Variants in RBPJ observed in about 807,000 individuals in gnomAD.
RBPJ encodes recombining binding protein suppressor of hairless.
Under a neutral mutation model 67.8 loss-of-function variants are expected in RBPJ, and 9 were observed. The ratio of observed to expected loss-of-function variants is 0.13; its 90% CI spans 0.08 to 0.23. RBPJ has a LOEUF of 0.23. RBPJ is among the 10% of genes least tolerant of loss of function. RBPJ has a pLI of 1.00. For missense variants in RBPJ, 305 were observed against 595.6 expected (o/e 0.51, Z 5.08); for synonymous variants, 198 against 203.3 (o/e 0.97, Z 0.22).
intron 2 of RBPJ, among the ~76,000 whole-genome samples, chr4:26,398,301 C>T (rs1323942851): frequency 2.0e-5 from 3 of 152,120 alleles, no homozygotes; most frequent in Admixed American, 6.5e-5. Context: ...CCTCCACTTA[C>T]CCCTTGGACC....
chr4:26,353,677 T>A (rs1289665406), intron 1 of RBPJ, among the ~76,000 whole-genome samples: 1 of 151,270 alleles, frequency 6.6e-6, no homozygotes, highest in Admixed American at 6.6e-5. Flanking sequence ...GGTGCGATCT[T>A]GGCTCACTGC....
intron 1 of RBPJ, among the ~76,000 whole-genome samples, chr4:26,344,517 G>A (rs527581130): frequency 2.0e-5 from 3 of 152,190 alleles, no homozygotes; most frequent in Admixed American, 6.5e-5. Context: ...TTACAGGCGT[G>A]AGCCACCGCG....
chr4:26,327,551 T>G lies in RBPJ; in HGVS notation c.20+6503T>G, dbSNP rs1174325061. Reference sequence around the variant, plus strand: ...CAAGTTGACCCTGGAGGTTTTTTTTTTTTTTTTTTTTTTTTGTATTCAGTA... The same window carrying G: ...CAAGTTGACCCTGGAGGTTTTTTTTGTTTTTTTTTTTTTTTGTATTCAGTA... On this transcript the variant is annotated intron_variant, in intron 1 of 10. Coordinates refer to ENST00000355476, the MANE Select transcript of RBPJ (RefSeq NM_015874.6). Among the ~76,000 whole-genome samples, 6 of 149,280 alleles carry G rather than the reference T, an allele frequency of 4.0e-5. No homozygotes were observed. The East Asian group carries it at 9.7e-4, about 24-fold the overall frequency.
chr4:26,113,165 T>G, the RBPJ span: 1 of 230,726 alleles, frequency 4.3e-6, no homozygotes, highest in Non-Finnish European at 9.0e-6. Context: ...GAATATAAAT[T>G]GAGTGACAAA....
At chr4:26,225,278 T>C (rs1719041410) in intron 1 of RBPJ, among the ~76,000 whole-genome samples, 1 of 152,186 alleles carries the variant, frequency 6.6e-6, no homozygotes, top group South Asian at 2.1e-4. Flanking sequence ...GGTTAACCTG[T>C]TTGTTAAAAA....
intron 2 of RBPJ, among the ~76,000 whole-genome samples, chr4:26,386,954 C>T (rs1018297868): frequency 6.6e-6 from 1 of 151,776 alleles, no homozygotes; most frequent in African/African-American, 2.4e-5. Context: ...GCAAACCTTG[C>T]GTTTTTAGCA....
chr4:26,376,293 TC>T (rs1577557840), intron 1 of RBPJ, among the ~76,000 whole-genome samples: 1 of 152,020 alleles, frequency 6.6e-6, no homozygotes, highest in Non-Finnish European at 1.5e-5. Flanking sequence ...CATTCTCCCT[TC>T]CCCCCAGGTC....
the RBPJ span, among the ~76,000 whole-genome samples, chr4:26,153,274 C>T: frequency 1.3e-5 from 2 of 152,144 alleles, no homozygotes; most frequent in African/African-American, 2.4e-5. Flanking sequence ...TTTATTCACA[C>T]ATAAGTGTGA....
intron 1 of RBPJ, among the ~76,000 whole-genome samples, chr4:26,359,031 T>G (rs1248204977): frequency 1.3e-5 from 2 of 152,200 alleles, no homozygotes; most frequent in African/African-American, 2.4e-5. Flanking sequence ...AGGAATCAGA[T>G]CCAGACAATC....
chr4:26,144,578 C>A, the RBPJ span, among the ~76,000 whole-genome samples: 1 of 152,126 alleles, frequency 6.6e-6, no homozygotes, highest in Non-Finnish European at 1.5e-5. Flanking sequence ...CCTAAAAATT[C>A]TTTCATTTCT....
chr4:26,190,573 G>C (rs914435892), intron 1 of RBPJ, among the ~76,000 whole-genome samples: 1 of 152,168 alleles, frequency 6.6e-6, no homozygotes, highest in African/African-American at 2.4e-5. Context: ...AACCTGCAGG[G>C]ACATGCATGC....
At chr4:26,341,743 A>G (rs1272187020) in intron 1 of RBPJ, among the ~76,000 whole-genome samples, 1 of 152,162 alleles carries the variant, frequency 6.6e-6, no homozygotes, top group East Asian at 1.9e-4. Flanking sequence ...ACCTAAATGG[A>G]GTGGGAGAGA....
At chr4:26,168,858 C>T (rs966098502) in intron 1 of RBPJ, among the ~76,000 whole-genome samples, 9 of 152,006 alleles carry the variant, frequency 5.9e-5, no homozygotes, top group Non-Finnish European at 1.2e-4. Context: ...TCCAGTTGAT[C>T]ACATCGGCTC....
At chr4:26,221,154 G>T (rs896346029) in intron 1 of RBPJ, among the ~76,000 whole-genome samples, 2 of 152,234 alleles carry the variant, frequency 1.3e-5, no homozygotes, top group South Asian at 4.1e-4. Context: ...GCGGTGGCGC[G>T]ATCTCGGCTC....
intron 1 of RBPJ, among the ~76,000 whole-genome samples, chr4:26,202,666 G>A (rs187438638): frequency 1.3e-5 from 2 of 152,078 alleles, no homozygotes; most frequent in South Asian, 2.1e-4. Flanking sequence ...CAGCACTTTG[G>A]GGGGGCCAAA....
At chr4:26,165,240 C>A (rs570158429) in intron 1 of RBPJ, among the ~76,000 whole-genome samples, 13 of 152,134 alleles carry the variant, frequency 8.5e-5, no homozygotes, top group Non-Finnish European at 1.6e-4. Context: ...ACTAAACAAT[C>A]CTGATTATTT....
At chr4:26,303,079 G>A (rs188537581) in intron 1 of RBPJ, among the ~76,000 whole-genome samples, 3 of 151,948 alleles carry the variant, frequency 2.0e-5, no homozygotes, top group African/African-American at 7.2e-5. Context: ...TACTCAGGAG[G>A]CTGAGGAAAT....
chr4:26,431,705 T>G lies in RBPJ; in HGVS notation c.*698T>G, dbSNP rs1427482786. The G allele has an allele frequency of 6.6e-6, 1 of 152,192 alleles. No individual in the cohort carries two copies. Among genetic ancestry groups the G allele is most frequent in the Non-Finnish European group, 1.5e-5 (1 of 68,046 alleles). 9.4% of individuals were successfully genotyped at this position (152,192 alleles called of 1,614,324 possible). ...CTTGCAAAGGCCTGCATATTTTTTT[T>G]AAGATTATATGAAGTCTGTGCAAAA... On this transcript the variant is annotated 3_prime_UTR_variant, in exon 11 of 11. Transcript: ENST00000355476.
rs1009283711 is a variant in RBPJ, at chr4:26,431,258, CTGTTT to C, written c.*256_*260del. 5 of 344,548 alleles carry C rather than the reference CTGTTT, an allele frequency of 1.5e-5. No homozygotes were observed. Among genetic ancestry groups the C allele is most frequent in the Admixed American group, 4.6e-5 (1 of 21,594 alleles). The allele number at this position is 344,548 out of a possible 1,614,324, so 21.3% of individuals were successfully genotyped here. ...AAATATTGGAAATCAAGTTTTTCAG[CTGTTT>C]TGTTGGTTGGTTGGTTGGTTTTTGT... On this transcript the variant is annotated 3_prime_UTR_variant, in exon 11 of 11. Transcript: ENST00000355476.
Sources: allele counts gnomAD v4.1 joint callset (sites outside exome capture counted in the v4.1 genomes callset), GRCh38; gene constraint gnomAD v4.1.1; transcripts MANE v1.5; gene names NCBI Gene and HGNC (gene_info 2026-07-23, HGNC 2026-07-21).